The following SLC13A3 variants were observed in gnomAD, a reference collection of about 807,000 sequenced individuals.
The protein encoded by SLC13A3 is solute carrier family 13 member 3.
A neutral mutation model predicts 59.0 loss-of-function variants in SLC13A3; 40 were observed. The observed-to-expected ratio is 0.68, with a 90% confidence interval of 0.53 to 0.88. The LOEUF (loss-of-function observed/expected upper bound fraction) is 0.88, where lower values mean the gene tolerates loss of function less well. SLC13A3 is among the 40% of genes least tolerant of loss of function. SLC13A3 has a pLI of 0.00. For synonymous variants in SLC13A3, 317 were observed against 330.3 expected (o/e 0.96, Z 0.44); for missense variants, 699 against 783.2 (o/e 0.89, Z 1.28).
At chr20:46,624,346 G>C (rs930095154) in intron 1 of SLC13A3, among the ~76,000 whole-genome samples, 1 of 152,214 alleles carries the variant, frequency 6.6e-6, no homozygotes, top group Non-Finnish European at 1.5e-5. Flanking sequence ...CCAAACAACT[G>C]TACCTGTGTA....
At chr20:46,640,859 T>G (rs2062840561) in intron 1 of SLC13A3, among the ~76,000 whole-genome samples, 1 of 152,154 alleles carries the variant, frequency 6.6e-6, no homozygotes, top group Admixed American at 6.5e-5. Context: ...GAGAGCACTG[T>G]CCTGTTGAGT....
At chr20:46,598,744 G>T (rs972106650) in intron 4 of SLC13A3, among the ~76,000 whole-genome samples, 2 of 152,028 alleles carry the variant, frequency 1.3e-5, no homozygotes, top group Non-Finnish European at 1.5e-5. Context: ...CAAAATCAAG[G>T]TTATATCTAT....
At chr20:46,600,423 A>AAGGAAGGAAGG (rs753404754) in intron 3 of SLC13A3, among the ~76,000 whole-genome samples, 1 of 129,968 alleles carries the variant, frequency 7.7e-6, no homozygotes, top group Non-Finnish European at 1.8e-5. Flanking sequence ...GGAAGGAAGG[A>AAGGAAGGAAGG]AAGGAAGGAA....
At position 46,578,446 on chromosome 20, in the gene SLC13A3, TG is replaced by T. The variant is rs568690343; in HGVS notation, c.1220-2762del. On this transcript the variant is annotated intron_variant, in intron 9 of 12. Transcript: ENST00000279027. ...ATTCCAGCACTTTGGGAGGACAAGG[TG>T]GGCGGGTCACCTGAGGTCAGGAGTT... 2.4e-4 allele frequency among the ~76,000 whole-genome samples: 37 copies of T among 151,510 alleles called. No homozygotes were observed. In the South Asian group the frequency reaches 4.6e-3, roughly 19 times the overall value.
intron 1 of SLC13A3, among the ~76,000 whole-genome samples, chr20:46,643,818 C>T (rs555098379): frequency 1.1e-4 from 16 of 152,142 alleles, no homozygotes; most frequent in African/African-American, 3.1e-4. Context: ...CTGAGAGGGG[C>T]GGATAGCTTG....
chr20:46,605,309 A>G (rs1469976118), intron 3 of SLC13A3, among the ~76,000 whole-genome samples: 1 of 152,146 alleles, frequency 6.6e-6, no homozygotes, highest in Non-Finnish European at 1.5e-5. Context: ...TGCTGAGCAG[A>G]GCTCTTAGGC....
chr20:46,603,232 T>C (rs1293026996), intron 3 of SLC13A3, among the ~76,000 whole-genome samples: 2 of 151,964 alleles, frequency 1.3e-5, no homozygotes, highest in African/African-American at 4.8e-5. Context: ...AACAAACTTC[T>C]GTAAAAAGCC....
rs78632913 is a variant in SLC13A3 at position 46,595,301 on chromosome 20, C to T, written c.794+856G>A. Among the ~76,000 whole-genome samples the T allele has an allele frequency of 1.8e-3, 268 of 152,346 alleles. 2 individuals are homozygous for T. The highest frequency in any genetic ancestry group is 3.5e-3 in the Non-Finnish European group (235 of 68,028). On this transcript the variant is annotated intron_variant, in intron 5 of 12. Coordinates refer to ENST00000279027, the MANE Select transcript of SLC13A3 (RefSeq NM_022829.6). ...GGAGCGGCACGTTGTGCAGTTGGAA[C>T]ATCTTTTCTTTTCTCTTTTCTCTTT...
intron 1 of SLC13A3, among the ~76,000 whole-genome samples, chr20:46,638,149 G>A (rs1184678752): frequency 6.6e-6 from 1 of 152,200 alleles, no homozygotes; most frequent in Non-Finnish European, 1.5e-5. Flanking sequence ...TGGCAGAGCA[G>A]GACTGGCTGC....
chr20:46,679,112 T>C (rs1439019937), intron 1 of SLC13A3, among the ~76,000 whole-genome samples: 1 of 152,140 alleles, frequency 6.6e-6, no homozygotes, highest in African/African-American at 2.4e-5. Flanking sequence ...CTTTTCCCTA[T>C]AAATTACCCA....
chr20:46,614,428 T>C (rs1465792007), intron 1 of SLC13A3, among the ~76,000 whole-genome samples: 4 of 152,158 alleles, frequency 2.6e-5, no homozygotes, highest in Non-Finnish European at 5.9e-5. Flanking sequence ...CTGAGCATGC[T>C]CCTGCAGCCA....
chr20:46,575,440 G>A, intron 10 of SLC13A3, 133 bp downstream of exon 10: 1 of 507,604 alleles, frequency 2.0e-6, no homozygotes, highest in Non-Finnish European at 3.5e-6. Context: ...AGTTTGGCAA[G>A]TGAGGAAACT....
At chr20:46,602,593 G>C (rs2062390242) in intron 3 of SLC13A3, among the ~76,000 whole-genome samples, 1 of 152,076 alleles carries the variant, frequency 6.6e-6, no homozygotes, top group Non-Finnish European at 1.5e-5. Context: ...CCCAGCGAGG[G>C]CCAATTCTGT....
At chr20:46,645,991 G>A (rs1446714021) in intron 1 of SLC13A3, among the ~76,000 whole-genome samples, 1 of 152,126 alleles carries the variant, frequency 6.6e-6, no homozygotes, top group African/African-American at 2.4e-5. Flanking sequence ...TGATGTGAGT[G>A]GTATTTGGAT....
upstream of SLC13A3, among the ~76,000 whole-genome samples, chr20:46,674,604 C>CAT (rs1555885012): frequency 6.3e-5 from 8 of 127,882 alleles, no homozygotes; most frequent in African/African-American, 2.5e-4. Context: ...CGCGCGCGCG[C>CAT]GTGTGTGTGT....
At chr20:46,674,288 G>A (rs1296174795), upstream of SLC13A3, among the ~76,000 whole-genome samples, 1 of 152,144 alleles carries the variant, frequency 6.6e-6, no homozygotes, top group Non-Finnish European at 1.5e-5. Flanking sequence ...ACTGGAGGGG[G>A]GATTAGTTCC....
chr20:46,661,762 A>G (rs914868984), intron 1 of SLC13A3, among the ~76,000 whole-genome samples: 1 of 152,084 alleles, frequency 6.6e-6, no homozygotes, highest in African/African-American at 2.4e-5. Flanking sequence ...CTGATAGTCA[A>G]AAGCCAGGCA....
At chr20:46,588,575 C>A (rs1043304966) in intron 7 of SLC13A3, among the ~76,000 whole-genome samples, 1 of 151,828 alleles carries the variant, frequency 6.6e-6, no homozygotes, top group Non-Finnish European at 1.5e-5. Flanking sequence ...GAGAGAGAGA[C>A]AGAAAAACAC....
At chr20:46,611,106 T>A (rs528475236) in intron 2 of SLC13A3, among the ~76,000 whole-genome samples, 10 of 152,158 alleles carry the variant, frequency 6.6e-5, no homozygotes, top group Non-Finnish European at 1.3e-4. Context: ...TTTCTCTTTA[T>A]ATTGAACTCT....
Sources: allele counts gnomAD v4.1 joint callset (sites outside exome capture counted in the v4.1 genomes callset), GRCh38; gene constraint gnomAD v4.1.1; transcripts MANE v1.5; gene names NCBI Gene and HGNC (gene_info 2026-07-23, HGNC 2026-07-21).